INPP4B: variants seen among roughly 807,000 people sequenced by gnomAD.
INPP4B encodes the protein inositol polyphosphate-4-phosphatase type II B.
A neutral mutation model predicts 122.5 loss-of-function variants in INPP4B; 55 were observed. The observed-to-expected ratio is 0.45, with a 90% CI of 0.36 to 0.56. The LOEUF is 0.56. INPP4B is among the 20% of genes least tolerant of loss of function. INPP4B has a pLI of 0.00. For synonymous variants in INPP4B, 403 were observed against 388.7 expected (o/e 1.04, Z -0.43); for missense variants, 1,000 against 1,097.7 (o/e 0.91, Z 1.26).
At chr4:142,616,590 TC>T (rs1743754696) in intron 2 of INPP4B, among the ~76,000 whole-genome samples, 1 of 152,192 alleles carries the variant, frequency 6.6e-6, no homozygotes. Context: ...TACATTTTTG[TC>T]TTATTTTAGT....
At chr4:142,464,732 G>A (rs1817435195) in intron 2 of INPP4B, among the ~76,000 whole-genome samples, 1 of 151,946 alleles carries the variant, frequency 6.6e-6, no homozygotes, top group African/African-American at 2.4e-5. Context: ...ATATAGAAAA[G>A]TCATATGTGT....
chr4:142,768,129 G>A (rs1323123624), intron 1 of INPP4B, among the ~76,000 whole-genome samples: 1 of 152,166 alleles, frequency 6.6e-6, no homozygotes, highest in East Asian at 1.9e-4. Context: ...AGTAATTCAT[G>A]TAAAGTGGTT....
chr4:142,801,411 C>A (rs902952905), intron 1 of INPP4B, among the ~76,000 whole-genome samples: 11 of 152,060 alleles, frequency 7.2e-5, no homozygotes, highest in African/African-American at 2.7e-4. Context: ...TGACTGGAGT[C>A]ATAAGAAGAG....
At chr4:142,163,874 T>A (rs566385389) in intron 16 of INPP4B, among the ~76,000 whole-genome samples, 2 of 151,852 alleles carry the variant, frequency 1.3e-5, no homozygotes, top group Admixed American at 6.6e-5. Flanking sequence ...AAAACCTTTT[T>A]CTTTTCTCAT....
chr4:142,431,053 A>T lies in INPP4B; in HGVS notation c.91+116T>A, dbSNP rs1370791456. The stretch of plus-strand genomic sequence containing the variant: ...AAAAATACTTTGGTAATTTCATGCC[A>T]TTTATTAGAACCGAAGTTCCTATGA... On this transcript the variant is annotated intron_variant, in intron 4 of 25. Transcript: ENST00000262992. 3 of 722,474 alleles carry T rather than the reference A, an allele frequency of 4.2e-6. No individual in the cohort carries two copies. The African/African-American group carries it at 5.4e-5, about 13-fold the overall frequency. The allele number at this position is 722,474 out of a possible 1,614,324, so 44.8% of individuals were successfully genotyped here.
chr4:142,147,515 C>T (rs1424507495), intron 17 of INPP4B, among the ~76,000 whole-genome samples: 2 of 152,144 alleles, frequency 1.3e-5, no homozygotes, highest in African/African-American at 4.8e-5. Flanking sequence ...AGTACTTCCT[C>T]CCTGGGGAAG....
intron 1 of INPP4B, among the ~76,000 whole-genome samples, chr4:142,788,660 T>C (rs1776091325): frequency 6.6e-6 from 1 of 152,034 alleles, no homozygotes; most frequent in Non-Finnish European, 1.5e-5. Context: ...CATTGTGTCA[T>C]TCTTGTTCCC....
intron 17 of INPP4B, among the ~76,000 whole-genome samples, chr4:142,155,981 C>T (rs1475299810): frequency 1.4e-5 from 2 of 146,644 alleles, no homozygotes; most frequent in Admixed American, 6.8e-5. Flanking sequence ...AACATAAACA[C>T]ATTTAACATA....
chr4:142,435,483 G>C (rs13145550), intron 3 of INPP4B, among the ~76,000 whole-genome samples: 1 of 141,938 alleles, frequency 7.0e-6, no homozygotes, highest in African/African-American at 2.5e-5. Flanking sequence ...TTTGGGGGAG[G>C]GGGGGTGGGG....
chr4:142,244,409 C>T (rs1726811303), intron 11 of INPP4B, among the ~76,000 whole-genome samples: 1 of 150,752 alleles, frequency 6.6e-6, no homozygotes, highest in Admixed American at 6.6e-5. Context: ...ACGTCATTCT[C>T]CTGCCTCAGC....
intron 16 of INPP4B, among the ~76,000 whole-genome samples, chr4:142,172,777 C>G (rs1407394356): frequency 2.0e-5 from 3 of 151,946 alleles, no homozygotes; most frequent in African/African-American, 7.2e-5. Context: ...TGGAAAACTA[C>G]ACTTTTGTCT....
At chr4:142,351,059 T>G (rs975944125) in intron 7 of INPP4B, among the ~76,000 whole-genome samples, 34 of 152,044 alleles carry the variant, frequency 2.2e-4, no homozygotes, top group African/African-American at 8.0e-4. Flanking sequence ...GAGCAGCTGC[T>G]CCTTCCTGTA....
At chr4:142,375,684 G>A (rs1791578021) in intron 7 of INPP4B, among the ~76,000 whole-genome samples, 1 of 151,906 alleles carries the variant, frequency 6.6e-6, no homozygotes, top group Non-Finnish European at 1.5e-5. Context: ...TTTCCCCTTT[G>A]CTTCCTGGCT....
At chr4:142,217,632 G>A (rs901894448) in intron 12 of INPP4B, among the ~76,000 whole-genome samples, 5 of 152,314 alleles carry the variant, frequency 3.3e-5, no homozygotes, top group Non-Finnish European at 1.5e-5. Flanking sequence ...TTCCTATTGT[G>A]ATGGTTAATT....
intron 7 of INPP4B, among the ~76,000 whole-genome samples, chr4:142,325,718 T>C (rs376563868): frequency 6.6e-6 from 1 of 152,230 alleles, no homozygotes; most frequent in African/African-American, 2.4e-5. Flanking sequence ...GGTCTCTTTA[T>C]GTTTAATTGG....
chr4:142,782,801 T>A (rs1442581619), intron 1 of INPP4B, among the ~76,000 whole-genome samples: 1 of 152,166 alleles, frequency 6.6e-6, no homozygotes, highest in Non-Finnish European at 1.5e-5. Context: ...AGCATGGTAC[T>A]GGTACCAAAA....
chr4:142,029,598 A>AACAT lies in INPP4B; in HGVS notation c.2643-688_2643-685dup, dbSNP rs1417255403. On this transcript the variant is annotated intron_variant, in intron 25 of 25. Transcript: ENST00000262992. ...ATACAAACAGGTAATTTAATTACAA[A>AACAT]ACATAAATAGCCATTCTCTCCATAA... The AACAT allele has an allele frequency of 2.0e-5, 20 of 985,480 alleles. No individual in the cohort carries two copies. The African/African-American group carries it at 3.3e-4, about 16-fold the overall frequency. The allele number at this position is 985,480 out of a possible 1,614,324, so 61.0% of individuals were successfully genotyped here. A position where few individuals can be genotyped will look rare whatever the true frequency, so the allele number is the denominator to read the frequency against.
intron 12 of INPP4B, among the ~76,000 whole-genome samples, chr4:142,216,585 T>C (rs1330911321): frequency 6.6e-6 from 1 of 152,200 alleles, no homozygotes; most frequent in Non-Finnish European, 1.5e-5. Context: ...GAAATAACCT[T>C]ATGAAGTACT....
intron 2 of INPP4B, among the ~76,000 whole-genome samples, chr4:142,599,417 AT>A (rs1739398112): frequency 6.6e-6 from 1 of 152,220 alleles, no homozygotes; most frequent in Admixed American, 6.5e-5. Flanking sequence ...GATACTACTG[AT>A]GCTATTTACA....
Sources: allele counts gnomAD v4.1 joint callset (sites outside exome capture counted in the v4.1 genomes callset), GRCh38; gene constraint gnomAD v4.1.1; transcripts MANE v1.5; gene names NCBI Gene and HGNC (gene_info 2026-07-23, HGNC 2026-07-21).